RUFY3: variants seen among roughly 807,000 people sequenced by gnomAD.
RUFY3 encodes the protein RUN and FYVE domain containing 3, also known as protein RUFY3.
A neutral mutation model predicts 84.0 loss-of-function variants in RUFY3; 34 were observed. The observed-to-expected ratio is 0.40, with a 90% CI of 0.31 to 0.54. The LOEUF (loss-of-function observed/expected upper bound fraction) is 0.54. RUFY3 is among the 20% of genes least tolerant of loss of function. The pLI, the probability that RUFY3 is intolerant of heterozygous loss-of-function variation, is 0.39. For synonymous variants in RUFY3, 242 were observed against 252.9 expected (o/e 0.96, Z 0.41); for missense variants, 507 against 736.8 (o/e 0.69, Z 3.61).
chr4:70,741,308 CAA>C (rs747841043), intron 1 of RUFY3, among the ~76,000 whole-genome samples: 9 of 152,086 alleles, frequency 5.9e-5, no homozygotes, highest in Non-Finnish European at 1.3e-4. Context: ...ACTTAGAATA[CAA>C]AGAGCCTTTG....
In RUFY3 at chr4:70,722,530, T is replaced by A. The variant is rs1441328328; in HGVS notation, c.-44T>A. On this transcript the variant is annotated 5_prime_UTR_variant, in exon 1 of 18. Transcript: ENST00000381006. ...TATTTTTTTGGTGTGTGTGTGTGAG[T>A]GTGTGTGTGTCTGTGTGTGTGTTGT... 3 of 1,554,474 alleles carry A rather than the reference T, an allele frequency of 1.9e-6. No individual in the cohort carries two copies. Among genetic ancestry groups the A allele is most frequent in the Admixed American group, 1.8e-5 (1 of 56,734 alleles).
intron 1 of RUFY3, among the ~76,000 whole-genome samples, chr4:70,755,887 C>T (rs1030671704): frequency 2.0e-5 from 3 of 151,142 alleles, no homozygotes; most frequent in African/African-American, 7.3e-5. Context: ...GGAGGCGGAA[C>T]TTGCAGTGAG....
At chr4:70,796,826 T>C (rs1162117525) in intron 14 of RUFY3, among the ~76,000 whole-genome samples, 2 of 152,320 alleles carry the variant, frequency 1.3e-5, no homozygotes, top group East Asian at 3.9e-4. Flanking sequence ...TTGTAAAGCA[T>C]CAATAATTTC....
exon 1 of RUFY3, chr4:70,704,943 G>C: frequency 8.2e-7 from 1 of 1,226,288 alleles, no homozygotes; most frequent in Non-Finnish European, 1.0e-6. Context: ...GAGCATGGCT[G>C]AGACCCCGCC....
chr4:70,711,803 C>T (rs192132498), intron 1 of RUFY3, among the ~76,000 whole-genome samples: 163 of 152,296 alleles, frequency 1.1e-3, no homozygotes, highest in African/African-American at 3.6e-3. Context: ...GTCATGCCCC[C>T]GTTTCCTTCC....
At chr4:70,718,297 C>CT (rs1741861998), upstream of RUFY3, among the ~76,000 whole-genome samples, 2 of 152,106 alleles carry the variant, frequency 1.3e-5, no homozygotes. Flanking sequence ...TCAAGTTAAC[C>CT]TTTGTCTTAT....
chr4:70,717,935 T>C (rs933753864), upstream of RUFY3, among the ~76,000 whole-genome samples: 35 of 139,824 alleles, frequency 2.5e-4, no homozygotes, highest in Non-Finnish European at 4.5e-4. Flanking sequence ...CAGGCTGGAG[T>C]GCAGTGGCGC....
At chr4:70,805,455 T>C (rs1009534181) in intron 17 of RUFY3, among the ~76,000 whole-genome samples, 1 of 152,162 alleles carries the variant, frequency 6.6e-6, no homozygotes, top group Non-Finnish European at 1.5e-5. Flanking sequence ...AGAAAAGTTA[T>C]GTACAAATGA....
At chr4:70,780,351 A>G (rs1728704682) in intron 8 of RUFY3, among the ~76,000 whole-genome samples, 1 of 152,154 alleles carries the variant, frequency 6.6e-6, no homozygotes, top group South Asian at 2.1e-4. Context: ...GTTGAAGTGC[A>G]GTGGTGCCAT....
Position 70,722,514 on chromosome 4 carries a change from G to A in RUFY3, c.-60G>A, listed in dbSNP as rs1560447045. ...GTGAGGAGGTTGTATTTATTTTTTT[G>A]GTGTGTGTGTGTGAGTGTGTGTGTG... is the stretch of plus-strand genomic sequence containing the variant. On this transcript the variant is annotated 5_prime_UTR_variant, in exon 1 of 18. Transcript: ENST00000381006. 4 of 1,430,880 alleles carry A rather than the reference G, an allele frequency of 2.8e-6. No homozygotes were observed. The highest frequency in any genetic ancestry group is 4.9e-5 in the East Asian group (2 of 40,570). The allele number at this position is 1,430,880 out of a possible 1,614,324, so 88.6% of individuals were successfully genotyped here. A position where few individuals can be genotyped will look rare whatever the true frequency, so the allele number is the denominator to read the frequency against.
At chr4:70,770,937 T>A (rs1726845362) in intron 5 of RUFY3, among the ~76,000 whole-genome samples, 1 of 152,080 alleles carries the variant, frequency 6.6e-6, no homozygotes, top group Non-Finnish European at 1.5e-5. Context: ...TCAGTATTGT[T>A]GTGTCTTAGG....
At chr4:70,711,330 T>C (rs1445874041) in intron 1 of RUFY3, among the ~76,000 whole-genome samples, 2 of 152,070 alleles carry the variant, frequency 1.3e-5, no homozygotes, top group African/African-American at 4.8e-5. Context: ...TACTTTATTG[T>C]GTTTTGTAAA....
At chr4:70,799,851 C>T (rs1267810259) in intron 14 of RUFY3, 15 of 300,060 alleles carry the variant, frequency 5.0e-5, no homozygotes, top group Non-Finnish European at 4.8e-5. Context: ...TAAGAAGTAA[C>T]TGATATCTGG....
intron 15 of RUFY3, 70 bp downstream of exon 15, chr4:70,800,275 A>C (rs1732056026): frequency 8.4e-7 from 1 of 1,191,366 alleles, no homozygotes; most frequent in African/African-American, 1.6e-5. Flanking sequence ...GGAGTTCTTT[A>C]TATACATTGG....
chr4:70,785,169 C>T (rs940280394), intron 10 of RUFY3, among the ~76,000 whole-genome samples: 1 of 152,142 alleles, frequency 6.6e-6, no homozygotes, highest in Non-Finnish European at 1.5e-5. Context: ...TGCCGTCTCA[C>T]TCCTACCTAA....
At chr4:70,773,026 G>A (rs956992734) in intron 5 of RUFY3, among the ~76,000 whole-genome samples, 22 of 152,176 alleles carry the variant, frequency 1.4e-4, no homozygotes, top group Non-Finnish European at 2.9e-4. Flanking sequence ...AAATGAAGAC[G>A]TGTACATCAA....
At chr4:70,782,473 TGGG>T (rs1219581080) in intron 8 of RUFY3, among the ~76,000 whole-genome samples, 1 of 151,614 alleles carries the variant, frequency 6.6e-6, no homozygotes, top group Non-Finnish European at 1.5e-5. Flanking sequence ...TTAGTAGAGA[TGGG>T]GTTTCACCAT....
rs776095908 is a variant in RUFY3 at position 70,793,913 on chromosome 4, G to T, written c.1457+9G>T. 7.4e-6 allele frequency: 12 copies of T among 1,613,346 alleles called. No individual in the cohort carries two copies. The highest frequency in any genetic ancestry group is 6.7e-5 in the Admixed American group (4 of 59,936). ...GAGCTCACCAGGCAGCGGTGAAGAG[G>T]GGGTAGCTTGAGCTGACAGGGTGGT... On this transcript the variant is annotated intron_variant, in intron 13 of 17. Transcript: ENST00000381006.
chr4:70,704,310 G>C (rs1460513762), upstream of RUFY3: 1 of 152,258 alleles, frequency 6.6e-6, no homozygotes, highest in Non-Finnish European at 1.5e-5. Flanking sequence ...TCCAAACAGT[G>C]AATCAACGGT....
Sources: allele counts gnomAD v4.1 joint callset (sites outside exome capture counted in the v4.1 genomes callset), GRCh38; gene constraint gnomAD v4.1.1; transcripts MANE v1.5; gene names NCBI Gene and HGNC (gene_info 2026-07-23, HGNC 2026-07-21).